The following NOS1 variants were observed in gnomAD, a reference collection of about 807,000 sequenced individuals.
NOS1 encodes NOS type I.
A neutral mutation model predicts 164.5 loss-of-function variants in NOS1; 51 were observed. That is an observed-to-expected ratio of 0.31 (90% CI 0.25 to 0.39). The LOEUF is 0.39. NOS1 is among the 10% of genes least tolerant of loss of function. NOS1 has a pLI of 1.00. For synonymous variants in NOS1, 719 were observed against 745.8 expected (o/e 0.96, Z 0.59); for missense variants, 1,362 against 1,885.6 (o/e 0.72, Z 5.14).
At chr12:117,289,785 T>A (rs1592993367) in intron 4 of NOS1, among the ~76,000 whole-genome samples, 2 of 149,588 alleles carry the variant, frequency 1.3e-5, no homozygotes, top group South Asian at 4.3e-4. Context: ...TTTGTGTCTG[T>A]TCCCATATAT....
At chr12:117,217,674 C>T (rs2135919199) in intron 28 of NOS1, among the ~76,000 whole-genome samples, 1 of 151,620 alleles carries the variant, frequency 6.6e-6, no homozygotes, top group Non-Finnish European at 1.5e-5. Context: ...CACTGCACTC[C>T]AACCTGGAGT....
At chr12:117,267,798 A>G (rs1479371220) in intron 11 of NOS1, among the ~76,000 whole-genome samples, 1 of 152,144 alleles carries the variant, frequency 6.6e-6, no homozygotes, top group East Asian at 1.9e-4. Context: ...AAGAACTCTA[A>G]GCAACAAGAC....
At chr12:117,340,871 C>CTTTTTTTTTTTTTTTTTTTTT (rs775978271) in intron 1 of NOS1, among the ~76,000 whole-genome samples, 6 of 96,434 alleles carry the variant, frequency 6.2e-5, no homozygotes, top group Non-Finnish European at 1.2e-4. Context: ...TCACACCTGG[C>CTTTTTTTTTTTTTTTTTTTTT]TATTTTTTTT....
intron 9 of NOS1, among the ~76,000 whole-genome samples, chr12:117,275,033 T>C (rs2136001883): frequency 6.6e-6 from 1 of 152,214 alleles, no homozygotes; most frequent in East Asian, 1.9e-4. Flanking sequence ...TGTAATTTAA[T>C]TGTTTGTAAC....
chr12:117,286,046 C>T, intron 6 of NOS1, 58 bp downstream of exon 6: 3 of 1,589,852 alleles, frequency 1.9e-6, no homozygotes, highest in Non-Finnish European at 2.6e-6. Flanking sequence ...TCCATCCACT[C>T]CCCTTCCCCT....
At chr12:117,311,867 G>A (rs1338223392) in intron 2 of NOS1, among the ~76,000 whole-genome samples, 2 of 152,184 alleles carry the variant, frequency 1.3e-5, no homozygotes, top group African/African-American at 2.4e-5. Context: ...TTTCAGGATG[G>A]CAAGGAGAAG....
At chr12:117,319,798 A>G (rs1156614452) in intron 2 of NOS1, among the ~76,000 whole-genome samples, 2 of 152,196 alleles carry the variant, frequency 1.3e-5, no homozygotes, top group Non-Finnish European at 2.9e-5. Context: ...GGAATGTTCC[A>G]GAGAGGTGGA....
chr12:117,348,641 C>T (rs1876472135), intron 1 of NOS1, among the ~76,000 whole-genome samples: 1 of 152,182 alleles, frequency 6.6e-6, no homozygotes, highest in Admixed American at 6.5e-5. Flanking sequence ...TTGCTAACTG[C>T]TTTTTTCTAT....
intron 10 of NOS1, among the ~76,000 whole-genome samples, chr12:117,270,568 A>G (rs547891181): frequency 6.6e-6 from 1 of 152,266 alleles, no homozygotes; most frequent in African/African-American, 2.4e-5. Flanking sequence ...AGAGGAAAGT[A>G]TGTATAGAAG....
At chr12:117,233,381 A>G (rs888255347) in intron 21 of NOS1, among the ~76,000 whole-genome samples, 4 of 150,502 alleles carry the variant, frequency 2.7e-5, no homozygotes, top group Non-Finnish European at 5.9e-5. Flanking sequence ...TTTTTTTTGT[A>G]GAGATGCAGT....
intron 2 of NOS1, among the ~76,000 whole-genome samples, chr12:117,318,626 G>A (rs1874772066): frequency 1.3e-5 from 2 of 152,200 alleles, no homozygotes; most frequent in Admixed American, 1.3e-4. Flanking sequence ...AAGGAAAAGG[G>A]GTCCTGGGCT....
At chr12:117,245,781 T>G (rs816355) in intron 18 of NOS1, 83,690 of 152,024 alleles carry the variant, frequency 0.55, 25,519 homozygotes, top group African/African-American at 0.82. Context: ...AGCTGGGCAT[T>G]GCGGCAGGCA....
At position 117,330,465 on chromosome 12, in the gene NOS1, T is replaced by C; in HGVS notation, c.605A>G (p.Asn202Ser). 1.9e-6 allele frequency: 3 copies of C among 1,614,226 alleles called. No homozygotes were observed. Among genetic ancestry groups the C allele is most frequent in the Non-Finnish European group, 2.5e-6 (3 of 1,180,038 alleles). The change falls in exon 2 of 29, where the codon AAC (asparagine) becomes AGC (serine). Residue 202 changes from asparagine to serine, a missense_variant. By Grantham distance (46) the Asn-to-Ser change is conservative. Transcript: ENST00000317775. The surrounding 1 kb of genome is among the most constrained non-coding windows in gnomAD (Gnocchi z 4.6). ...CTCTATCTCCTTGAGCAGTTCATTG[T>C]TCTCCCCTCTGCCTTGGAGGCTGAC... ...TRVSLQGRGE[N>S]NELLKEIEPV...
At chr12:117,304,568 G>A (rs1309669539) in intron 3 of NOS1, among the ~76,000 whole-genome samples, 63 of 152,196 alleles carry the variant, frequency 4.1e-4, no homozygotes, top group Admixed American at 4.1e-3. Flanking sequence ...CACACGGCAG[G>A]TTATCAAGTG....
intron 10 of NOS1, among the ~76,000 whole-genome samples, chr12:117,269,840 T>A (rs1164309649): frequency 6.6e-6 from 1 of 152,156 alleles, no homozygotes; most frequent in East Asian, 1.9e-4. Context: ...TCTTCATCTA[T>A]CCTACTCTAC....
chr12:117,231,968 G>A lies in NOS1; in HGVS notation c.3399C>T (p.Leu1133=). The A allele has an allele frequency of 6.2e-7, 1 of 1,612,132 alleles. No individual in the cohort carries two copies. The highest frequency in any genetic ancestry group is 8.5e-7 in the Non-Finnish European group (1 of 1,179,454). ...GCGAAGCCTGGGGACCCACCTTGCT[G>A]AGGACCAGCAGACGCTGCTTCTCCT... ...SEKEKQRLLV[L]SKGLQEYEEW... is the part of the protein sequence containing the mutation. Residue 1133 remains leucine (L), a synonymous_variant, in exon 22 of 29, where the codon CTC becomes CTT. Coordinates refer to ENST00000317775, the MANE Select transcript of NOS1 (RefSeq NM_000620.5).
chr12:117,301,716 C>T (rs1007091060), intron 3 of NOS1, among the ~76,000 whole-genome samples: 3 of 152,130 alleles, frequency 2.0e-5, no homozygotes, highest in Non-Finnish European at 4.4e-5. Flanking sequence ...TCACATCTGT[C>T]CCATTGATTT....
chr12:117,267,685 T>C (rs1407695560), intron 11 of NOS1, among the ~76,000 whole-genome samples: 1 of 152,148 alleles, frequency 6.6e-6, no homozygotes, highest in Non-Finnish European at 1.5e-5. Flanking sequence ...TTTAGGAGCC[T>C]ATATGTCTCT....
At chr12:117,320,874 C>A (rs1301445396) in intron 2 of NOS1, among the ~76,000 whole-genome samples, 3 of 152,178 alleles carry the variant, frequency 2.0e-5, no homozygotes, top group Non-Finnish European at 4.4e-5. Context: ...GGCCTCAGTA[C>A]AAATGTTGTC....
Sources: allele counts gnomAD v4.1 joint callset (sites outside exome capture counted in the v4.1 genomes callset), GRCh38; gene constraint gnomAD v4.1.1; non-coding constraint Gnocchi (gnomAD v3.1); transcripts MANE v1.5; gene names NCBI Gene and HGNC (gene_info 2026-07-23, HGNC 2026-07-21).